The following SLIT2 variants were observed in gnomAD, a reference collection of about 807,000 sequenced individuals.
SLIT2 encodes the protein slit guidance ligand 2.
Under a neutral mutation model 185.7 loss-of-function variants are expected in SLIT2, and 41 were observed. That is an observed-to-expected ratio of 0.22 (90% CI 0.17 to 0.29). The LOEUF (loss-of-function observed/expected upper bound fraction) is 0.29, where lower values mean the gene tolerates loss of function less well. Among genes scored for constraint, SLIT2 ranks in the 10% least tolerant of loss-of-function variants. The pLI, the probability that SLIT2 is intolerant of heterozygous loss-of-function variation, is 1.00. For missense variants in SLIT2, 1,571 were observed against 1,909.0 expected, an observed-to-expected ratio of 0.82 and a Z score of 3.30; for synonymous variants, 693 against 680.2, an observed-to-expected ratio of 1.02 and a Z score of -0.29.
chr4:20,285,081 A>G (rs1367645253), intron 4 of SLIT2, among the ~76,000 whole-genome samples: 1 of 152,204 alleles, frequency 6.6e-6, no homozygotes, highest in Non-Finnish European at 1.5e-5. Flanking sequence ...TCTTCCCTGT[A>G]CAAGGGGTGG....
At chr4:20,578,012 C>G (rs1726216724) in intron 29 of SLIT2, among the ~76,000 whole-genome samples, 2 of 152,212 alleles carry the variant, frequency 1.3e-5, no homozygotes, top group Admixed American at 1.3e-4. Context: ...GTCTACCCAT[C>G]TCATCCAGCC....
intron 29 of SLIT2, among the ~76,000 whole-genome samples, chr4:20,572,417 T>G (rs1560205844): frequency 6.6e-6 from 1 of 152,224 alleles, no homozygotes; most frequent in Non-Finnish European, 1.5e-5. Context: ...AATTTAAGGT[T>G]TTAATTGTAG....
intron 4 of SLIT2, among the ~76,000 whole-genome samples, chr4:20,404,628 A>AATGC (rs1726625139): frequency 6.6e-6 from 1 of 152,044 alleles, no homozygotes; most frequent in South Asian, 2.1e-4. Flanking sequence ...CCAACGAATG[A>AATGC]ATGCATGAAT....
intron 5 of SLIT2, among the ~76,000 whole-genome samples, chr4:20,475,751 T>C (rs887745953): frequency 6.6e-6 from 1 of 152,158 alleles, no homozygotes. Context: ...TTTGATTAGT[T>C]CACTTACAAT....
At chr4:20,543,104 G>A (rs1187641300) in intron 21 of SLIT2, among the ~76,000 whole-genome samples, 1 of 151,828 alleles carries the variant, frequency 6.6e-6, no homozygotes, top group Non-Finnish European at 1.5e-5. Flanking sequence ...ACCCCTAGGA[G>A]AAAATTTTAC....
At chr4:20,523,361 A>G (rs1197661657) in intron 12 of SLIT2, among the ~76,000 whole-genome samples, 1 of 152,156 alleles carries the variant, frequency 6.6e-6, no homozygotes, top group Non-Finnish European at 1.5e-5. Context: ...CACACTAGCT[A>G]CTGTTTTGAG....
intron 33 of SLIT2, among the ~76,000 whole-genome samples, chr4:20,601,894 C>T (rs1728437814): frequency 1.3e-5 from 2 of 151,946 alleles, no homozygotes; most frequent in African/African-American, 4.8e-5. Flanking sequence ...CATTGTTTTC[C>T]AAATTTTGCA....
At chr4:20,316,682 T>C (rs1389043770) in intron 4 of SLIT2, among the ~76,000 whole-genome samples, 7 of 151,596 alleles carry the variant, frequency 4.6e-5, no homozygotes. Context: ...TGTATCTATA[T>C]ACTCATATGT....
chr4:20,426,395 G>A (rs899794115), intron 4 of SLIT2, among the ~76,000 whole-genome samples: 1 of 152,118 alleles, frequency 6.6e-6, no homozygotes, highest in Non-Finnish European at 1.5e-5. Context: ...TTAGAAAATA[G>A]GGAGTTTTGT....
chr4:20,393,057 C>G (rs980364566), intron 4 of SLIT2, among the ~76,000 whole-genome samples: 1 of 152,076 alleles, frequency 6.6e-6, no homozygotes, highest in African/African-American at 2.4e-5. Context: ...ACCAGCATCA[C>G]CACAGACACT....
intron 25 of SLIT2, among the ~76,000 whole-genome samples, chr4:20,551,647 C>T (rs1249864791): frequency 6.6e-6 from 1 of 152,126 alleles, no homozygotes; most frequent in Non-Finnish European, 1.5e-5. Context: ...GAGTTGGGTG[C>T]TTGGTGGCAA....
chr4:20,577,363 C>A (rs1327053446), intron 29 of SLIT2, among the ~76,000 whole-genome samples: 4 of 152,170 alleles, frequency 2.6e-5, no homozygotes, highest in African/African-American at 7.2e-5. Flanking sequence ...TGTCTTAACA[C>A]CTACATTTAT....
intron 15 of SLIT2, among the ~76,000 whole-genome samples, chr4:20,527,544 C>A (rs913274233): frequency 6.6e-6 from 1 of 152,096 alleles, no homozygotes; most frequent in African/African-American, 2.4e-5. Flanking sequence ...CTTGGCCTCC[C>A]GAAGTGCTAG....
At chr4:20,617,309 G>A (rs1423959214) in intron 35 of SLIT2, 111 bp downstream of exon 35, 2 of 1,229,244 alleles carry the variant, frequency 1.6e-6, no homozygotes, top group East Asian at 2.4e-5. Flanking sequence ...GGAGGGGAGG[G>A]GAGGTTCGTT....
intron 4 of SLIT2, among the ~76,000 whole-genome samples, chr4:20,368,520 G>A (rs5016268): frequency 0.6 from 90,463 of 151,846 alleles, 27,906 homozygotes; most frequent in African/African-American, 0.75. Context: ...CCTAAAGTAG[G>A]TGAAGAGGTT....
chr4:20,283,649 G>T (rs1560282043), intron 4 of SLIT2, among the ~76,000 whole-genome samples: 2 of 151,988 alleles, frequency 1.3e-5, no homozygotes, highest in Non-Finnish European at 2.9e-5. Flanking sequence ...TTGCTTTGGG[G>T]TCACCAATTT....
At chr4:20,359,064 A>G (rs753952776) in intron 4 of SLIT2, among the ~76,000 whole-genome samples, 2 of 152,142 alleles carry the variant, frequency 1.3e-5, no homozygotes, top group Admixed American at 6.6e-5. Flanking sequence ...AAGAGTTCTA[A>G]ATATAAGTTA....
At chr4:20,294,525 C>T (rs916226199) in intron 4 of SLIT2, among the ~76,000 whole-genome samples, 34 of 152,142 alleles carry the variant, frequency 2.2e-4, no homozygotes, top group African/African-American at 8.2e-4. Context: ...GTTTCTCCCC[C>T]ATAAATTCTC....
At chr4:20,401,814 G>C (rs1726386263) in intron 4 of SLIT2, among the ~76,000 whole-genome samples, 1 of 151,876 alleles carries the variant, frequency 6.6e-6, no homozygotes, top group Admixed American at 6.6e-5. Context: ...CATTGAACAA[G>C]TTAATACAGG....
Sources: gnomAD v4.1 joint callset for allele counts (sites outside exome capture counted in the v4.1 genomes callset) on GRCh38, gnomAD v4.1.1 for gene constraint, MANE v1.5 for transcripts, NCBI Gene and HGNC (gene_info 2026-07-23, HGNC 2026-07-21) for gene names.